GLRX3: variants seen among roughly 807,000 people sequenced by gnomAD.
The protein encoded by GLRX3 is glutaredoxin 3, also known as glutaredoxin-3.
A neutral mutation model predicts 49.5 loss-of-function variants in GLRX3; 22 were observed. That is an observed-to-expected ratio of 0.44 (90% CI 0.32 to 0.63). GLRX3 has a LOEUF of 0.63. Among genes scored for constraint, GLRX3 ranks in the 30% least tolerant of loss-of-function variants. The pLI is 0.05. For missense variants in GLRX3, 385 were observed against 396.3 expected, an observed-to-expected ratio of 0.97 and a Z score of 0.24; for synonymous variants, 133 against 140.0, an observed-to-expected ratio of 0.95 and a Z score of 0.35.
intron 1 of GLRX3, among the ~76,000 whole-genome samples, chr10:130,139,455 C>T (rs972928060): frequency 6.6e-6 from 1 of 151,446 alleles, no homozygotes; most frequent in Non-Finnish European, 1.5e-5. Context: ...CTGGCTAACA[C>T]GGTGAAACCC....
At chr10:130,137,875 C>T (rs1286496830) in intron 1 of GLRX3, among the ~76,000 whole-genome samples, 1 of 152,022 alleles carries the variant, frequency 6.6e-6, no homozygotes, top group African/African-American at 2.4e-5. Flanking sequence ...GCTGGGACCA[C>T]AGGTGCTCAC....
Position 130,166,681 on chromosome 10 carries a change from T to A in GLRX3, c.651+2T>A. On this transcript the variant is annotated splice_donor_variant, in intron 5 of 10. Transcript: ENST00000331244. LOFTEE classifies it high-confidence loss of function. ...ATAGGAGGACTTGATATAATTAAGG[T>A]TAGAATTGAGAAGTCTGTGCTTTGT... 1 of 1,583,066 alleles carries A rather than the reference T, an allele frequency of 6.3e-7. No homozygotes were observed.
At chr10:130,163,033 G>C (rs1320855223) in intron 4 of GLRX3, among the ~76,000 whole-genome samples, 2 of 152,098 alleles carry the variant, frequency 1.3e-5, no homozygotes, top group Non-Finnish European at 2.9e-5. Flanking sequence ...TATACTGCTA[G>C]CATTTTTATA....
intron 1 of GLRX3, among the ~76,000 whole-genome samples, chr10:130,143,950 C>T (rs1189691435): frequency 2.0e-5 from 3 of 152,224 alleles, no homozygotes; most frequent in Middle Eastern, 3.4e-3. Flanking sequence ...CTGCCTGCCT[C>T]GGCCTCCCAA....
In GLRX3 at chr10:130,179,582, C is replaced by T. The variant is rs1440069496; in HGVS notation, c.*190C>T. On this transcript the variant is annotated 3_prime_UTR_variant, in exon 11 of 11. Transcript: ENST00000331244. The stretch of plus-strand genomic sequence containing the variant: ...TTTTTTTCCCACCAAAAATAGAATG[C>T]AATAAACATCTTCAAATTATTAACA... 1 of 539,668 alleles carries T rather than the reference C, an allele frequency of 1.9e-6. No homozygotes were observed. Among genetic ancestry groups the T allele is most frequent in the African/African-American group, 2.0e-5 (1 of 49,784 alleles). 33.4% of individuals were successfully genotyped at this position (539,668 alleles called of 1,614,324 possible).
intron 3 of GLRX3, 70 bp from the exon 4 acceptor site, chr10:130,160,726 A>T (rs960625077): frequency 2.3e-5 from 21 of 901,818 alleles, no homozygotes. Flanking sequence ...TGTCCCCTTT[A>T]AAAATCTGCT....
At chr10:130,139,456 G>C (rs1205256061) in intron 1 of GLRX3, among the ~76,000 whole-genome samples, 1 of 151,560 alleles carries the variant, frequency 6.6e-6, no homozygotes, top group African/African-American at 2.4e-5. Context: ...TGGCTAACAC[G>C]GTGAAACCCC....
intron 1 of GLRX3, 133 bp downstream of exon 1, chr10:130,136,645 C>T (rs1189437951): frequency 5.5e-6 from 6 of 1,086,998 alleles, no homozygotes; most frequent in South Asian, 4.8e-5. Flanking sequence ...GGGGACCGGG[C>T]CCGGCGCCAC....
At chr10:130,165,321 CT>C (rs532815583) in intron 4 of GLRX3, among the ~76,000 whole-genome samples, 2 of 151,254 alleles carry the variant, frequency 1.3e-5, no homozygotes, top group East Asian at 1.9e-4. Flanking sequence ...AAGAAAAATA[CT>C]TTTTTTTTCA....
rs1055949797 is a variant in GLRX3 at position 130,152,542 on chromosome 10, T to C, written c.201+7223T>C. 3.3e-5 allele frequency among the ~76,000 whole-genome samples: 5 copies of C among 152,308 alleles called. No homozygotes were observed. In the South Asian group the frequency reaches 1.0e-3, roughly 32 times the overall value. The stretch of plus-strand genomic sequence containing the variant: ...TCAGCATTTTCTTGTCTTTAAATGA[T>C]TTTATTTCTCCTTCACTTATGAAGC... On this transcript the variant is annotated intron_variant, in intron 2 of 10. Coordinates refer to ENST00000331244, the MANE Select transcript of GLRX3 (RefSeq NM_006541.5).
chr10:130,178,340 C>T (rs1295528671), intron 10 of GLRX3, among the ~76,000 whole-genome samples: 1 of 152,096 alleles, frequency 6.6e-6, no homozygotes, highest in Non-Finnish European at 1.5e-5. Context: ...CTGCACCCTC[C>T]ACCTTCTGGG....
At chr10:130,171,236 A>C (rs1189504746) in intron 7 of GLRX3, among the ~76,000 whole-genome samples, 1 of 152,246 alleles carries the variant, frequency 6.6e-6, no homozygotes, top group Non-Finnish European at 1.5e-5. Context: ...AAGTGAGTTA[A>C]GATCATTTTG....
intron 6 of GLRX3, among the ~76,000 whole-genome samples, chr10:130,168,847 T>G (rs1247763548): frequency 6.6e-6 from 1 of 152,188 alleles, no homozygotes; most frequent in Non-Finnish European, 1.5e-5. Context: ...TGACTTTTCT[T>G]GAGATTTGTG....
intron 2 of GLRX3, among the ~76,000 whole-genome samples, chr10:130,151,514 C>T (rs1402580605): frequency 2.0e-5 from 3 of 152,068 alleles, no homozygotes; most frequent in Non-Finnish European, 4.4e-5. Context: ...AACGCTATCC[C>T]TCCCTCAGCC....
intron 2 of GLRX3, among the ~76,000 whole-genome samples, chr10:130,152,684 A>G (rs4615939): frequency 0.46 from 70,148 of 151,896 alleles, 16,418 homozygotes; most frequent in South Asian, 0.53. Flanking sequence ...TTAGTCTGAT[A>G]GCCTTCCCTT....
chr10:130,147,789 C>T (rs1862296249), intron 2 of GLRX3, among the ~76,000 whole-genome samples: 1 of 152,170 alleles, frequency 6.6e-6, no homozygotes, highest in Non-Finnish European at 1.5e-5. Context: ...CACCTGTAAT[C>T]CCAACACCTC....
chr10:130,143,363 C>T (rs1039643229), intron 1 of GLRX3, among the ~76,000 whole-genome samples: 10 of 152,076 alleles, frequency 6.6e-5, no homozygotes. Context: ...CGTGATTTTT[C>T]AGATTTTTTT....
chr10:130,152,243 T>G (rs1275398569), intron 2 of GLRX3, among the ~76,000 whole-genome samples: 3 of 152,154 alleles, frequency 2.0e-5, no homozygotes, highest in Admixed American at 2.0e-4. Flanking sequence ...GGTCTCAAAC[T>G]CCTGACCTCA....
intron 1 of GLRX3, among the ~76,000 whole-genome samples, chr10:130,137,907 A>AT (rs767596467): frequency 3.0e-4 from 45 of 149,476 alleles, no homozygotes; most frequent in South Asian, 8.5e-4. Flanking sequence ...TCTAATTTTT[A>AT]TTTTTTTTTA....
Sources: gnomAD v4.1 joint callset for allele counts (sites outside exome capture counted in the v4.1 genomes callset) on GRCh38, gnomAD v4.1.1 for gene constraint, MANE v1.5 for transcripts, NCBI Gene and HGNC (gene_info 2026-07-23, HGNC 2026-07-21) for gene names.